The following ITPR1 variants were observed in gnomAD, a reference collection of about 807,000 sequenced individuals.
ITPR1 encodes inositol 1,4,5-trisphosphate-gated calcium channel ITPR1.
Under a neutral mutation model 318.4 loss-of-function variants are expected in ITPR1, and 96 were observed. The ratio of observed to expected loss-of-function variants is 0.30; its 90% CI spans 0.26 to 0.36. ITPR1 has a LOEUF of 0.36. ITPR1 is among the 10% of genes least tolerant of loss of function. The pLI is 1.00. For missense variants in ITPR1, 2,440 were observed against 3,460.2 expected (o/e 0.71, Z 7.40); for synonymous variants, 1,312 against 1,289.9 (o/e 1.02, Z -0.37).
At chr3:4,837,327 C>G (rs1262104826) in intron 61 of ITPR1, among the ~76,000 whole-genome samples, 1 of 152,122 alleles carries the variant, frequency 6.6e-6, no homozygotes, top group East Asian at 1.9e-4. Context: ...AGCCCTCAGA[C>G]TTGTCAAATC....
At chr3:4,807,447 T>C (rs576312663) in intron 55 of ITPR1, among the ~76,000 whole-genome samples, 11 of 152,190 alleles carry the variant, frequency 7.2e-5, no homozygotes, top group Non-Finnish European at 1.5e-4. Context: ...AGTTTCCTCA[T>C]CTACAAAATG....
At chr3:4,645,240 G>C in intron 8 of ITPR1, 147 bp from the exon 9 acceptor site, 1 of 663,014 alleles carries the variant, frequency 1.5e-6, no homozygotes, top group South Asian at 1.7e-5. Context: ...TGATTTTGCA[G>C]GTGCTGTGAT....
chr3:4,631,155 G>C (rs745769017), intron 5 of ITPR1, among the ~76,000 whole-genome samples: 1 of 152,176 alleles, frequency 6.6e-6, no homozygotes, highest in Non-Finnish European at 1.5e-5. Flanking sequence ...AATTACTTGA[G>C]CTCTCAGCTC....
intron 44 of ITPR1, among the ~76,000 whole-genome samples, chr3:4,742,405 C>T (rs1575089789): frequency 6.6e-6 from 1 of 152,192 alleles, no homozygotes; most frequent in Non-Finnish European, 1.5e-5. Flanking sequence ...GGTGTGGGTA[C>T]AGCCTGGGCT....
chr3:4,785,045 C>A (rs1384943437), intron 51 of ITPR1, among the ~76,000 whole-genome samples: 1 of 152,208 alleles, frequency 6.6e-6, no homozygotes, highest in African/African-American at 2.4e-5. Context: ...TGAAGCCACA[C>A]ATGTTGGTGT....
intron 4 of ITPR1, among the ~76,000 whole-genome samples, chr3:4,548,336 G>C (rs1180215815): frequency 1.3e-5 from 2 of 152,124 alleles, no homozygotes; most frequent in Admixed American, 6.6e-5. Context: ...ATATTTTCTA[G>C]CAACATCATT....
intron 10 of ITPR1, among the ~76,000 whole-genome samples, chr3:4,650,575 A>C (rs1191815483): frequency 7.1e-6 from 1 of 140,166 alleles, no homozygotes; most frequent in Non-Finnish European, 1.6e-5. Flanking sequence ...TTTTATTTCT[A>C]GTTTACATTA....
At chr3:4,740,691 T>TCCTGC (rs1397124665) in intron 44 of ITPR1, among the ~76,000 whole-genome samples, 59 of 152,300 alleles carry the variant, frequency 3.9e-4, no homozygotes, top group African/African-American at 1.2e-3. Context: ...GCAATGGTGA[T>TCCTGC]AACATCTGAG....
chr3:4,563,635 C>T (rs934674668), intron 4 of ITPR1, among the ~76,000 whole-genome samples: 3 of 152,152 alleles, frequency 2.0e-5, no homozygotes, highest in Admixed American at 1.3e-4. Context: ...TTGCAGAGTA[C>T]GTGTTTCTGG....
intron 4 of ITPR1, among the ~76,000 whole-genome samples, chr3:4,623,390 G>T (rs2092710887): frequency 6.6e-6 from 1 of 152,070 alleles, no homozygotes; most frequent in Non-Finnish European, 1.5e-5. Flanking sequence ...ATAATTTTTT[G>T]AAAGCTAGCT....
intron 2 of ITPR1, among the ~76,000 whole-genome samples, chr3:4,499,545 C>T (rs145900986): frequency 0.018 from 2,807 of 152,176 alleles, 83 homozygotes; most frequent in African/African-American, 0.064. Flanking sequence ...TACACATACA[C>T]GTATTTAACA....
At chr3:4,541,035 T>G (rs2084393723) in intron 4 of ITPR1, among the ~76,000 whole-genome samples, 2 of 152,210 alleles carry the variant, frequency 1.3e-5, no homozygotes, top group Non-Finnish European at 2.9e-5. Flanking sequence ...TAACTATCAT[T>G]ATTCTCTCCT....
At chr3:4,644,852 C>T (rs747437073) in intron 8 of ITPR1, among the ~76,000 whole-genome samples, 2 of 152,140 alleles carry the variant, frequency 1.3e-5, no homozygotes, top group Non-Finnish European at 1.5e-5. Flanking sequence ...TTCCTTATCT[C>T]TGAAATGGGG....
intron 4 of ITPR1, among the ~76,000 whole-genome samples, chr3:4,543,925 A>C (rs969339014): frequency 6.6e-6 from 1 of 152,180 alleles, no homozygotes; most frequent in Non-Finnish European, 1.5e-5. Context: ...GGGTGCCCCC[A>C]TCCCCACCAT....
chr3:4,775,830 C>A (rs1271914715), intron 47 of ITPR1, among the ~76,000 whole-genome samples: 2 of 152,144 alleles, frequency 1.3e-5, no homozygotes, highest in African/African-American at 2.4e-5. Context: ...TTAAGCCTAG[C>A]TAGAGAGAAG....
At chr3:4,804,430 T>A (rs992920952) in intron 54 of ITPR1, among the ~76,000 whole-genome samples, 1 of 152,164 alleles carries the variant, frequency 6.6e-6, no homozygotes, top group African/African-American at 2.4e-5. Context: ...ACATGAGCTG[T>A]CTCTGTTGAG....
intron 4 of ITPR1, among the ~76,000 whole-genome samples, chr3:4,599,409 A>C (rs138567991): frequency 3.9e-5 from 6 of 152,224 alleles, no homozygotes; most frequent in Admixed American, 3.9e-4. Context: ...TAAAAAACAA[A>C]TTTCTGGCTT....
At chr3:4,602,745 AAG>A (rs1253495415) in intron 4 of ITPR1, among the ~76,000 whole-genome samples, 1 of 152,124 alleles carries the variant, frequency 6.6e-6, no homozygotes, top group Admixed American at 6.6e-5. Context: ...TGCTAAGTGA[AAG>A]AAGCCTGTCA....
chr3:4,779,546 C>G lies in ITPR1; in HGVS notation c.6292-4C>G. Reference sequence around the variant, plus strand: ...ATTTCCTCTCCCTTTGTTTCTCCAACTAGAACAATGCCTCGAAGTTGCTCC... The same window carrying G: ...ATTTCCTCTCCCTTTGTTTCTCCAAGTAGAACAATGCCTCGAAGTTGCTCC... On this transcript the variant is annotated splice_polypyrimidine_tract_variant and splice_region_variant and intron_variant, in intron 48 of 61. Coordinates refer to ENST00000649015, the MANE Select transcript of ITPR1 (RefSeq NM_001378452.1). This position sits in a 1 kb window ranked among gnomAD's most constrained non-coding sequence, Gnocchi z 4.0. 1.2e-6 allele frequency: 2 copies of G among 1,609,916 alleles called. No individual in the cohort carries two copies. Among genetic ancestry groups the G allele is most frequent in the South Asian group, 1.1e-5 (1 of 90,980 alleles).
Sources: allele counts gnomAD v4.1 joint callset (sites outside exome capture counted in the v4.1 genomes callset), GRCh38; gene constraint gnomAD v4.1.1; non-coding constraint Gnocchi (gnomAD v3.1); transcripts MANE v1.5; gene names NCBI Gene and HGNC (gene_info 2026-07-23, HGNC 2026-07-21).